IL20RA: variants seen among roughly 807,000 people sequenced by gnomAD.
The protein encoded by IL20RA is interleukin 20 receptor subunit alpha.
Under a neutral mutation model 36.5 loss-of-function variants are expected in IL20RA, and 29 were observed. That is an observed-to-expected ratio of 0.79 (90% CI 0.59 to 1.08). The LOEUF is 1.08. Ranked by LOEUF, IL20RA falls within the 50% of genes least tolerant of loss-of-function variation. The probability of loss-of-function intolerance (pLI) is 0.00; values close to 1 mark genes in which losing one functional copy is unlikely to be tolerated. For synonymous variants in IL20RA, 279 were observed against 267.1 expected, an observed-to-expected ratio of 1.04 and a Z score of -0.43; for missense variants, 652 against 668.4, an observed-to-expected ratio of 0.98 and a Z score of 0.27.
Position 137,044,413 on chromosome 6 carries a change from T to C in IL20RA, c.88+228A>G, listed in dbSNP as rs1373831642. ...ACCGAAAGTGCGGAGCGCGGAGTCCTGCAAACTTGACCCCGAGCCAAGGTG... is the reference window on the plus strand; with the variant it reads ...ACCGAAAGTGCGGAGCGCGGAGTCCCGCAAACTTGACCCCGAGCCAAGGTG... On this transcript the variant is annotated intron_variant, in intron 1 of 6. Transcript: ENST00000316649. 4.2e-6 allele frequency: 4 copies of C among 960,540 alleles called. No homozygotes were observed. In the African/African-American group the frequency reaches 5.2e-5, roughly 13 times the overall value. The allele number at this position is 960,540 out of a possible 1,614,324, so 59.5% of individuals were successfully genotyped here.
rs763039748 is a variant in IL20RA, at chr6:137,008,660, G to A, written c.663C>T (p.Phe221=). Residue 221 remains phenylalanine (F), a synonymous_variant, in exon 5 of 7, where the codon TTC becomes TTT. Transcript: ENST00000316649. ...GAGCACGGCGAGGGGGCCCTGGGAC[G>A]AAGGACTCCACGTGTACGCAGTAAA... The part of the protein sequence containing the change: ...NTLYCVHVES[F]VPGPPRRAQP... 20 of 1,608,424 alleles carry A rather than the reference G, an allele frequency of 1.2e-5. No individual in the cohort carries two copies. The highest frequency in any genetic ancestry group is 2.2e-5 in the South Asian group (2 of 89,180).
chr6:137,020,869 T>C (rs1032374786), intron 1 of IL20RA, among the ~76,000 whole-genome samples: 1 of 152,224 alleles, frequency 6.6e-6, no homozygotes, highest in Admixed American at 6.5e-5. Flanking sequence ...ATCTTTCTGA[T>C]GGCAGAGGCA....
intron 5 of IL20RA, among the ~76,000 whole-genome samples, chr6:137,005,964 A>T (rs1775263187): frequency 6.6e-6 from 1 of 152,212 alleles, no homozygotes; most frequent in African/African-American, 2.4e-5. Context: ...ATATATCGAT[A>T]TGTGCATCTA....
intron 1 of IL20RA, among the ~76,000 whole-genome samples, chr6:137,030,351 G>A (rs36110355): frequency 0.023 from 3,561 of 152,192 alleles, 54 homozygotes; most frequent in Non-Finnish European, 0.032. Flanking sequence ...CACCCAAAGT[G>A]TTGGGATGAC....
At chr6:137,033,721 C>G (rs1163698670) in intron 1 of IL20RA, among the ~76,000 whole-genome samples, 1 of 152,200 alleles carries the variant, frequency 6.6e-6, no homozygotes, top group East Asian at 1.9e-4. Flanking sequence ...AACCAAGTGC[C>G]AATTAAACTT....
rs188439628 is a variant in IL20RA, at chr6:137,001,843, G to T, written c.1377C>A (p.Pro459=). 3 of 1,613,560 alleles carry T rather than the reference G, an allele frequency of 1.9e-6. No individual in the cohort carries two copies. In the Admixed American group the frequency reaches 5.0e-5, roughly 27 times the overall value. Residue 459 remains proline (P), a synonymous_variant, in exon 7 of 7, where the codon CCC becomes CCA. Coordinates refer to ENST00000316649, the MANE Select transcript of IL20RA (RefSeq NM_014432.4). The stretch of plus-strand genomic sequence containing the variant: ...CCGAGTCTGTGTGCTCCTGCGCCAG[G>T]GGGTCTAAGTCTTGGAGCTGAGGGG... ...SYTPQLQDLD[P]LAQEHTDSEE...
At chr6:137,024,052 C>G (rs912447675) in intron 1 of IL20RA, among the ~76,000 whole-genome samples, 4 of 152,144 alleles carry the variant, frequency 2.6e-5, no homozygotes, top group African/African-American at 9.7e-5. Flanking sequence ...CAAGATCGCA[C>G]CACTGCATTC....
intron 5 of IL20RA, among the ~76,000 whole-genome samples, chr6:137,007,638 C>A (rs908717607): frequency 6.6e-6 from 1 of 152,210 alleles, no homozygotes; most frequent in Non-Finnish European, 1.5e-5. Context: ...GCCAAGCTCA[C>A]AACTCTATGT....
At position 137,002,055 on chromosome 6, in the gene IL20RA, T is replaced by C. The variant is rs779310814; in HGVS notation, c.1165A>G (p.Ser389Gly). ...GTSLTQQESL[S>G]RTIPPDKTVI... ...GTTTTATCCGGGGGTATTGTTCTGCTGAGGGACTCTTGCTGGGTGAGAGAA... is the reference window on the plus strand; with the variant it reads ...GTTTTATCCGGGGGTATTGTTCTGCCGAGGGACTCTTGCTGGGTGAGAGAA... Residue 389 changes from serine to glycine, a missense_variant, in exon 7 of 7, where the codon AGC becomes GGC. Coordinates refer to ENST00000316649, the MANE Select transcript of IL20RA (RefSeq NM_014432.4). The C allele has an allele frequency of 1.9e-6, 3 of 1,614,248 alleles. No homozygotes were observed. The highest frequency in any genetic ancestry group is 2.5e-6 in the Non-Finnish European group (3 of 1,180,052).
Position 137,002,040 on chromosome 6 carries a change from G to C in IL20RA, c.1180C>G (p.Pro394Ala). The C allele has an allele frequency of 6.2e-7, 1 of 1,614,154 alleles. No individual in the cohort carries two copies. Among genetic ancestry groups the C allele is most frequent in the Non-Finnish European group, 8.5e-7 (1 of 1,180,022 alleles). The change falls in exon 7 of 7, where the codon CCG becomes GCG. Residue 394 changes from proline to alanine, a missense_variant. Transcript: ENST00000316649. Reference sequence around the variant, plus strand: ...TCATATTCAATGACTGTTTTATCCGGGGGTATTGTTCTGCTGAGGGACTCT... The same window carrying C: ...TCATATTCAATGACTGTTTTATCCGCGGGTATTGTTCTGCTGAGGGACTCT... Reference protein sequence around the residue: ...QQESLSRTIPPDKTVIEYEYD... With the variant: ...QQESLSRTIPADKTVIEYEYD...
chr6:137,005,988 G>A (rs1245178080), intron 5 of IL20RA, among the ~76,000 whole-genome samples: 1 of 152,036 alleles, frequency 6.6e-6, no homozygotes, highest in Non-Finnish European at 1.5e-5. Flanking sequence ...GTATTCTATT[G>A]GTCCTGTTTC....
Position 137,044,935 on chromosome 6 carries a change from C to G in IL20RA, c.-207G>C, listed in dbSNP as rs1312101327. 1 of 374,012 alleles carries G rather than the reference C, an allele frequency of 2.7e-6. No homozygotes were observed. Among genetic ancestry groups the G allele is most frequent in the South Asian group, 1.4e-4 (1 of 7,266 alleles). The allele number at this position is 374,012 out of a possible 1,614,324, so 23.2% of individuals were successfully genotyped here. Reference sequence around the variant, plus strand: ...AAGGGCGAGCGACTCGCGGAGCCCCCACGCGCGCTCCCCCGGCTACCCAGC... The same window carrying G: ...AAGGGCGAGCGACTCGCGGAGCCCCGACGCGCGCTCCCCCGGCTACCCAGC... On this transcript the variant is annotated 5_prime_UTR_variant, in exon 1 of 7. Transcript: ENST00000316649.
At chr6:137,012,773 G>A (rs1338950247) in intron 2 of IL20RA, among the ~76,000 whole-genome samples, 9 of 152,204 alleles carry the variant, frequency 5.9e-5, no homozygotes, top group East Asian at 1.9e-4. Flanking sequence ...GGAAGAGTGT[G>A]TCTTGAGAAA....
chr6:137,002,212 T>A lies in IL20RA; in HGVS notation c.1008A>T (p.Val336=), dbSNP rs777513423. ...TGGGCTGAGGATCATTAAGGCTGGATACATCACTGCTTTTTCCCAGTAAAC... is the reference window on the plus strand; with the variant it reads ...TGGGCTGAGGATCATTAAGGCTGGAAACATCACTGCTTTTTCCCAGTAAAC... ...DMSLLGKSSD[V]SSLNDPQPSG... Residue 336 remains valine, a synonymous_variant, in exon 7 of 7, where the codon GTA becomes GTT. Transcript: ENST00000316649. The A allele has an allele frequency of 1.2e-6, 2 of 1,614,192 alleles. No individual in the cohort carries two copies. The highest frequency in any genetic ancestry group is 3.3e-5 in the Admixed American group (2 of 60,018).
In IL20RA at chr6:137,009,300, T is replaced by C; in HGVS notation, c.579+17A>G. On this transcript the variant is annotated intron_variant, in intron 4 of 6. Coordinates refer to ENST00000316649, the MANE Select transcript of IL20RA (RefSeq NM_014432.4). ...GAGTGGTACATGAATGTATGCCCCA[T>C]TCCATTTCAGGCTTACCGTTCTGTT... The C allele has an allele frequency of 6.2e-7, 1 of 1,601,010 alleles. No homozygotes were observed. Among genetic ancestry groups the C allele is most frequent in the Non-Finnish European group, 8.6e-7 (1 of 1,168,018 alleles).
chr6:137,006,666 C>T (rs1775294386), intron 5 of IL20RA, among the ~76,000 whole-genome samples: 1 of 151,892 alleles, frequency 6.6e-6, no homozygotes, highest in Non-Finnish European at 1.5e-5. Flanking sequence ...GGTCTAACAG[C>T]TGGGATAGCA....
chr6:137,010,578 T>C (rs1296314406), intron 3 of IL20RA, among the ~76,000 whole-genome samples: 2 of 152,180 alleles, frequency 1.3e-5, no homozygotes, highest in East Asian at 1.9e-4. Context: ...GCAGAGCTCA[T>C]TATGGCAGCC....
At chr6:137,022,379 G>C (rs1381316711) in intron 1 of IL20RA, among the ~76,000 whole-genome samples, 7 of 152,162 alleles carry the variant, frequency 4.6e-5, no homozygotes, top group African/African-American at 1.4e-4. Flanking sequence ...TCTGGTTTAT[G>C]TTTAGTTGCC....
chr6:137,011,495 A>G (rs1324986697), intron 2 of IL20RA, 43 bp from the exon 3 acceptor site: 1 of 1,295,354 alleles, frequency 7.7e-7, no homozygotes, highest in Non-Finnish European at 1.0e-6. Context: ...TGCCCTCTAT[A>G]CTTTACAATA....
Sources: allele counts gnomAD v4.1 joint callset (sites outside exome capture counted in the v4.1 genomes callset), GRCh38; gene constraint gnomAD v4.1.1; transcripts MANE v1.5; gene names NCBI Gene and HGNC (gene_info 2026-07-23, HGNC 2026-07-21).